IGFL2: variants seen among roughly 807,000 people sequenced by gnomAD.
IGFL2 encodes insulin growth factor-like family member 2.
A neutral mutation model predicts 13.9 loss-of-function variants in IGFL2; 7 were observed. The ratio of observed to expected loss-of-function variants is 0.51; its 90% CI spans 0.29 to 0.95. The LOEUF is 0.95. IGFL2 is among the 40% of genes least tolerant of loss of function. The pLI, the probability that IGFL2 is intolerant of heterozygous loss-of-function variation, is 0.08. For missense variants in IGFL2, 138 were observed against 147.8 expected (o/e 0.93, Z 0.34); for synonymous variants, 55 against 55.8 (o/e 0.99, Z 0.07).
At chr19:46,148,953 C>G (rs1973290946) in intron 1 of IGFL2, 1 of 1,573,306 alleles carries the variant, frequency 6.4e-7, no homozygotes, top group African/African-American at 1.4e-5. Context: ...GCACTATTGC[C>G]TGGAGTTCCT....
chr19:46,181,054 A>G, the IGFL2 span, among the ~76,000 whole-genome samples: 5 of 152,180 alleles, frequency 3.3e-5, no homozygotes, highest in South Asian at 2.1e-4. Flanking sequence ...CTTGTATTCA[A>G]TCAAGTTGAT....
rs1404327516 is a variant in IGFL2, at chr19:46,160,275, C to T, written c.20-140C>T. The T allele has an allele frequency of 5.7e-6, 4 of 704,282 alleles. No homozygotes were observed. In the African/African-American group the frequency reaches 7.0e-5, roughly 12 times the overall value. The allele number at this position is 704,282 out of a possible 1,614,324, so 43.6% of individuals were successfully genotyped here. On this transcript the variant is annotated intron_variant, in intron 1 of 3. Coordinates refer to ENST00000377693, the MANE Select transcript of IGFL2 (RefSeq NM_001135113.2). ...GACTCTTAACTGTGTCAGTTAGATC[C>T]TATGCAAAGATAGTTCCAAACCCAA... is the stretch of plus-strand genomic sequence containing the variant.
At chr19:46,200,979 AAAAT>A in the IGFL2 span, 1 of 152,252 alleles carries the variant, frequency 6.6e-6, no homozygotes, top group Non-Finnish European at 1.5e-5. Flanking sequence ...TTGAATTAAA[AAAAT>A]AATATCTATG....
At chr19:46,115,168 A>G in the IGFL2 span, among the ~76,000 whole-genome samples, 1 of 152,130 alleles carries the variant, frequency 6.6e-6, no homozygotes, top group African/African-American at 2.4e-5. Context: ...ATACCTAACT[A>G]TCCCCACTTG....
chr19:46,194,637 T>C, the IGFL2 span, among the ~76,000 whole-genome samples: 1 of 151,466 alleles, frequency 6.6e-6, no homozygotes, highest in Non-Finnish European at 1.5e-5. Context: ...GCCTGGACAA[T>C]ATGGTGAAGC....
chr19:46,190,241 GTAGA>G, the IGFL2 span: 1 of 152,338 alleles, frequency 6.6e-6, no homozygotes, highest in East Asian at 1.9e-4. Context: ...TGCTCAGCAG[GTAGA>G]TAGACTGGAT....
chr19:46,179,060 AGAG>A, the IGFL2 span, among the ~76,000 whole-genome samples: 2 of 152,028 alleles, frequency 1.3e-5, no homozygotes. Flanking sequence ...ATAGGTGAGG[AGAG>A]GAGGAGAAAG....
the IGFL2 span, among the ~76,000 whole-genome samples, chr19:46,199,028 G>A: frequency 5.9e-5 from 9 of 152,300 alleles, no homozygotes; most frequent in East Asian, 1.7e-3. Flanking sequence ...CAGCCCCACC[G>A]AGGAACCCTG....
chr19:46,126,176 G>A, the IGFL2 span, among the ~76,000 whole-genome samples: 2 of 151,250 alleles, frequency 1.3e-5, no homozygotes, highest in Non-Finnish European at 3.0e-5. Context: ...GTAGACTTTT[G>A]GAAGGCGAAT....
At chr19:46,199,363 C>CAAGGCAGAGCTGGGCTCCAGTGCCG in the IGFL2 span, among the ~76,000 whole-genome samples, 2 of 152,220 alleles carry the variant, frequency 1.3e-5, no homozygotes, top group African/African-American at 4.8e-5. Flanking sequence ...TCAGTTCCAC[C>CAAGGCAGAGCTGGGCTCCAGTGCCG]AAGGCAGAGC....
At chr19:46,098,613 G>A in the IGFL2 span, among the ~76,000 whole-genome samples, 1 of 151,838 alleles carries the variant, frequency 6.6e-6, no homozygotes, top group Non-Finnish European at 1.5e-5. Flanking sequence ...CAAGTAGCTG[G>A]GACTACAGGT....
chr19:46,187,768 T>G, the IGFL2 span, among the ~76,000 whole-genome samples: 2 of 147,130 alleles, frequency 1.4e-5, no homozygotes, highest in Non-Finnish European at 3.0e-5. Context: ...TGCTACCTGA[T>G]CAGAGATGGT....
the IGFL2 span, among the ~76,000 whole-genome samples, chr19:46,175,209 T>A: frequency 6.6e-6 from 1 of 152,240 alleles, no homozygotes; most frequent in African/African-American, 2.4e-5. Flanking sequence ...TTTTCTTATA[T>A]GTATTACCTT....
intron 1 of IGFL2, among the ~76,000 whole-genome samples, chr19:46,153,743 T>C (rs1973642385): frequency 6.6e-6 from 1 of 151,238 alleles, no homozygotes; most frequent in Non-Finnish European, 1.5e-5. Context: ...CGCTAACTAC[T>C]CCAGATAATT....
At chr19:46,175,055 G>A in the IGFL2 span, among the ~76,000 whole-genome samples, 22 of 152,182 alleles carry the variant, frequency 1.4e-4, no homozygotes, top group Non-Finnish European at 2.6e-4. Context: ...TGATAGAAGA[G>A]TTTTTAAAAA....
chr19:46,194,201 G>C, the IGFL2 span, among the ~76,000 whole-genome samples: 1 of 152,018 alleles, frequency 6.6e-6, no homozygotes, highest in African/African-American at 2.4e-5. Context: ...CTGGTTATCT[G>C]GTGCAGGGGG....
the IGFL2 span, among the ~76,000 whole-genome samples, chr19:46,094,067 G>A: frequency 6.8e-6 from 1 of 147,424 alleles, no homozygotes; most frequent in African/African-American, 2.5e-5. Context: ...CCAGGGGTAG[G>A]GGGTCAGTAT....
chr19:46,184,832 A>G, the IGFL2 span, among the ~76,000 whole-genome samples: 3 of 152,224 alleles, frequency 2.0e-5, no homozygotes, highest in Admixed American at 6.5e-5. Flanking sequence ...GAATCGCCAC[A>G]TTGTCTTCCA....
At chr19:46,137,338 G>A in the IGFL2 span, 4 of 1,113,622 alleles carry the variant, frequency 3.6e-6, no homozygotes, top group East Asian at 2.4e-5. Context: ...GAAGCTTGTG[G>A]CGGGCGTTGA....
Sources: allele counts gnomAD v4.1 joint callset (sites outside exome capture counted in the v4.1 genomes callset), GRCh38; gene constraint gnomAD v4.1.1; transcripts MANE v1.5; gene names NCBI Gene and HGNC (gene_info 2026-07-23, HGNC 2026-07-21).